The following SCN11A variants were observed in gnomAD, a reference collection of about 807,000 sequenced individuals.
SCN11A encodes the protein sodium voltage-gated channel alpha subunit 11, also known as sodium channel protein type 11 subunit alpha.
Under a neutral mutation model 162.2 loss-of-function variants are expected in SCN11A, and 122 were observed. That is an observed-to-expected ratio of 0.75 (90% CI 0.65 to 0.87). SCN11A has a LOEUF of 0.87. Ranked by LOEUF, SCN11A falls within the 40% of genes least tolerant of loss-of-function variation. SCN11A has a pLI of 0.00. For synonymous variants in SCN11A, 758 were observed against 751.5 expected (o/e 1.01, Z -0.14); for missense variants, 2,015 against 2,181.6 (o/e 0.92, Z 1.52).
At chr3:38,963,114 G>A (rs2066752184) in intron 2 of SCN11A, among the ~76,000 whole-genome samples, 3 of 150,798 alleles carry the variant, frequency 2.0e-5, no homozygotes, top group African/African-American at 4.8e-5. Flanking sequence ...ATGTAAACTA[G>A]TACAGCCACT....
chr3:38,968,140 C>G (rs902854470), intron 2 of SCN11A, among the ~76,000 whole-genome samples: 1 of 152,194 alleles, frequency 6.6e-6, no homozygotes, highest in Non-Finnish European at 1.5e-5. Flanking sequence ...CTCCTTGTCT[C>G]TTGCAGTTGT....
rs1559525359 is a variant in SCN11A at position 38,909,098 on chromosome 3, T to C, written c.1198A>G (p.Thr400Ala). 1 of 1,614,080 alleles carries C rather than the reference T, an allele frequency of 6.2e-7. No homozygotes were observed. Among genetic ancestry groups the C allele is most frequent in the Non-Finnish European group, 8.5e-7 (1 of 1,180,002 alleles). The change falls in exon 13 of 30, where the codon ACC (threonine) becomes GCC (alanine). Residue 400 changes from threonine (T) to alanine (A), a missense_variant. By Grantham distance (58) the Thr-to-Ala change is moderately conservative. Coordinates refer to ENST00000302328, the MANE Select transcript of SCN11A (RefSeq NM_001349253.2). Reference sequence around the variant, plus strand: ...TTGTTCTGCTCCTCATATGCCATGGTAACAACAGCCAGGGTTAAGTTAATC... The same window carrying C: ...TTGTTCTGCTCCTCATATGCCATGGCAACAACAGCCAGGGTTAAGTTAATC... The part of the protein sequence containing the change: ...YLINLTLAVV[T>A]MAYEEQNKNV...
chr3:38,950,427 C>A (rs1186610145), intron 4 of SCN11A, 58 bp from the exon 5 acceptor site: 1 of 1,551,742 alleles, frequency 6.4e-7, no homozygotes, highest in South Asian at 1.1e-5. Flanking sequence ...GGGAATAAAA[C>A]AGCCTGCCCT....
chr3:38,963,399 T>TG (rs2066757997), intron 2 of SCN11A, among the ~76,000 whole-genome samples: 1 of 58,036 alleles, frequency 1.7e-5, no homozygotes, highest in African/African-American at 1.2e-4. Flanking sequence ...TGGAGATATA[T>TG]ATATATATAT....
chr3:39,025,130 C>G (rs1334965431), intron 2 of SCN11A, among the ~76,000 whole-genome samples: 1 of 152,082 alleles, frequency 6.6e-6, no homozygotes, highest in East Asian at 1.9e-4. Flanking sequence ...AAGAGCCCCC[C>G]TTAACCCCTG....
intron 28 of SCN11A, among the ~76,000 whole-genome samples, chr3:38,858,408 T>C (rs558484918): frequency 1.3e-5 from 2 of 151,996 alleles, no homozygotes; most frequent in Non-Finnish European, 2.9e-5. Context: ...CAACAAAAGT[T>C]AAAAAAGACA....
intron 19 of SCN11A, among the ~76,000 whole-genome samples, chr3:38,888,531 C>T (rs1167737038): frequency 6.6e-6 from 1 of 152,166 alleles, no homozygotes; most frequent in Non-Finnish European, 1.5e-5. Context: ...ATGAAAGTTA[C>T]ATAATAATCT....
chr3:38,980,246 T>A (rs73070508), intron 2 of SCN11A, among the ~76,000 whole-genome samples: 15,631 of 151,360 alleles, frequency 0.1, 1,021 homozygotes, highest in East Asian at 0.22. Flanking sequence ...AAAAAAAAAA[T>A]ACCAACTCAC....
intron 2 of SCN11A, among the ~76,000 whole-genome samples, chr3:38,969,458 C>T (rs548372461): frequency 2.6e-5 from 4 of 152,250 alleles, no homozygotes; most frequent in Non-Finnish European, 4.4e-5. Context: ...GCTGCCTGCA[C>T]GGCCCCTCCT....
At chr3:38,861,289 A>G (rs984221874) in intron 28 of SCN11A, among the ~76,000 whole-genome samples, 2 of 152,226 alleles carry the variant, frequency 1.3e-5, no homozygotes, top group Non-Finnish European at 2.9e-5. Flanking sequence ...GATAGGTAGA[A>G]TTAACATTGT....
chr3:38,944,378 G>A (rs1342188912), intron 7 of SCN11A, among the ~76,000 whole-genome samples: 1 of 151,608 alleles, frequency 6.6e-6, no homozygotes, highest in African/African-American at 2.4e-5. Flanking sequence ...GCCCAGGCTG[G>A]AATGCAGTGG....
intron 18 of SCN11A, 81 bp downstream of exon 18, chr3:38,896,763 TA>T (rs2065603137): frequency 8.9e-7 from 1 of 1,127,968 alleles, no homozygotes; most frequent in Non-Finnish European, 1.2e-6. Context: ...TTTTTACTAG[TA>T]AAGTTTTGCA....
intron 5 of SCN11A, among the ~76,000 whole-genome samples, chr3:38,947,891 T>C (rs1226652498): frequency 1.3e-5 from 2 of 152,200 alleles, no homozygotes; most frequent in Non-Finnish European, 2.9e-5. Context: ...CCTTTCAGAT[T>C]TGCAAAAAGT....
chr3:38,899,394 GA>G (rs755325399), intron 17 of SCN11A, among the ~76,000 whole-genome samples: 4 of 152,200 alleles, frequency 2.6e-5, no homozygotes, highest in Non-Finnish European at 5.9e-5. Flanking sequence ...AAAGACTACA[GA>G]ACAGAAATGT....
chr3:38,981,814 G>A (rs2030068308), intron 2 of SCN11A, among the ~76,000 whole-genome samples: 1 of 151,862 alleles, frequency 6.6e-6, no homozygotes, highest in African/African-American at 2.4e-5. Context: ...AGACCAGCCT[G>A]GCCAACATAG....
At chr3:38,951,549 G>C (rs534624085) in intron 4 of SCN11A, among the ~76,000 whole-genome samples, 1 of 152,278 alleles carries the variant, frequency 6.6e-6, no homozygotes, top group Admixed American at 6.5e-5. Context: ...GCATGGCGCA[G>C]GACTGGCAGG....
intron 5 of SCN11A, among the ~76,000 whole-genome samples, chr3:38,948,643 T>C (rs2066554307): frequency 6.6e-6 from 1 of 152,228 alleles, no homozygotes; most frequent in South Asian, 2.1e-4. Flanking sequence ...ACATGACTGT[T>C]GAGGGCACTG....
chr3:38,941,046 T>C (rs969863665), intron 7 of SCN11A, among the ~76,000 whole-genome samples: 3 of 152,206 alleles, frequency 2.0e-5, no homozygotes, highest in Non-Finnish European at 2.9e-5. Context: ...ATAAGAATTA[T>C]GAAAATGTTT....
intron 25 of SCN11A, 83 bp from the exon 26 acceptor site, chr3:38,870,827 C>T: frequency 6.8e-6 from 8 of 1,177,792 alleles, no homozygotes. Context: ...GCAGGTGAGG[C>T]CCAGTGGGCT....
Sources: gnomAD v4.1 joint callset for allele counts (sites outside exome capture counted in the v4.1 genomes callset) on GRCh38, gnomAD v4.1.1 for gene constraint, MANE v1.5 for transcripts, NCBI Gene and HGNC (gene_info 2026-07-23, HGNC 2026-07-21) for gene names.